The following CHD2 variants were observed in gnomAD, a reference collection of about 807,000 sequenced individuals.
The protein encoded by CHD2 is chromodomain helicase DNA binding protein 2.
Under a neutral mutation model 243.9 loss-of-function variants are expected in CHD2, and 28 were observed. The ratio of observed to expected loss-of-function variants is 0.11; its 90% CI spans 0.09 to 0.16. CHD2 has a LOEUF of 0.16. Among genes scored for constraint, CHD2 ranks in the 10% least tolerant of loss-of-function variants. The pLI is 1.00. For synonymous variants in CHD2, 775 were observed against 779.0 expected, an observed-to-expected ratio of 0.99 and a Z score of 0.09; for missense variants, 1,386 against 2,209.8, an observed-to-expected ratio of 0.63 and a Z score of 7.47.
intron 16 of CHD2, among the ~76,000 whole-genome samples, chr15:92,957,331 T>C (rs980449310): frequency 6.6e-6 from 1 of 152,250 alleles, no homozygotes; most frequent in Non-Finnish European, 1.5e-5. Flanking sequence ...TAGAATTATA[T>C]TTCTTCTTGT....
chr15:93,009,820 T>A (rs557437673), intron 35 of CHD2, among the ~76,000 whole-genome samples: 57 of 152,376 alleles, frequency 3.7e-4, no homozygotes, highest in African/African-American at 1.3e-3. Flanking sequence ...TAAGTTAATC[T>A]AGAACTTCAG....
At chr15:92,904,728 T>C in intron 2 of CHD2, 1 of 1,397,020 alleles carries the variant, frequency 7.2e-7, no homozygotes, top group Non-Finnish European at 9.3e-7. Flanking sequence ...AAATAGAAAA[T>C]TTGCCCAGTT....
At chr15:93,007,940 G>C (rs533643304) in intron 34 of CHD2, among the ~76,000 whole-genome samples, 1 of 152,160 alleles carries the variant, frequency 6.6e-6, no homozygotes, top group South Asian at 2.1e-4. Context: ...ACTTTGCTTC[G>C]GTGGCTTTGC....
intron 20 of CHD2, among the ~76,000 whole-genome samples, chr15:92,977,055 G>A (rs1164563147): frequency 6.6e-6 from 1 of 151,860 alleles, no homozygotes; most frequent in Non-Finnish European, 1.5e-5. Context: ...TATAATCCAC[G>A]TTATCCTTGC....
chr15:92,922,406 C>T (rs139132419), intron 2 of CHD2, among the ~76,000 whole-genome samples: 1 of 152,220 alleles, frequency 6.6e-6, no homozygotes, highest in African/African-American at 2.4e-5. Flanking sequence ...CTCATCTTTC[C>T]CCACTTCCCA....
intron 28 of CHD2, among the ~76,000 whole-genome samples, chr15:92,993,625 G>T (rs2054150125): frequency 6.6e-6 from 1 of 152,072 alleles, no homozygotes; most frequent in Non-Finnish European, 1.5e-5. Context: ...TATTGGTAAG[G>T]ACACCCTCAT....
rs142471937 is a variant in CHD2, at chr15:92,940,082, G to A, written c.692+364G>A. Among the ~76,000 whole-genome samples, 12 of 152,260 alleles carry A rather than the reference G, an allele frequency of 7.9e-5. No individual in the cohort carries two copies. The East Asian group carries it at 1.9e-3, about 24-fold the overall frequency. On this transcript the variant is annotated intron_variant, in intron 7 of 38. Transcript: ENST00000394196. The stretch of plus-strand genomic sequence containing the variant: ...CTTTGAATCACAGACGTTTTTCTGA[G>A]GTTCAGCTTAACGTATTGCTACTTG...
chr15:92,918,269 A>G (rs1248038450), intron 2 of CHD2, among the ~76,000 whole-genome samples: 1 of 152,228 alleles, frequency 6.6e-6, no homozygotes, highest in Non-Finnish European at 1.5e-5. Flanking sequence ...CTTTTTATCC[A>G]CAAGCAAAAG....
intron 20 of CHD2, 21 bp downstream of exon 20, chr15:92,974,971 T>A (rs2053888617): frequency 6.2e-7 from 1 of 1,603,802 alleles, no homozygotes; most frequent in African/African-American, 1.3e-5. Flanking sequence ...CATGGCTTTG[T>A]TATTTGAGCA....
At chr15:92,935,238 A>G (rs1002296898) in intron 5 of CHD2, among the ~76,000 whole-genome samples, 35 of 152,182 alleles carry the variant, frequency 2.3e-4, no homozygotes, top group Admixed American at 5.2e-4. Flanking sequence ...GGGTTTCACC[A>G]CGTTAGCCAG....
intron 5 of CHD2, among the ~76,000 whole-genome samples, chr15:92,936,017 T>C (rs2053261121): frequency 6.6e-6 from 1 of 152,112 alleles, no homozygotes; most frequent in East Asian, 1.9e-4. Flanking sequence ...CAAAAAGTCT[T>C]GGTGTACAAG....
At chr15:93,021,560 T>C (rs1304538783) in intron 38 of CHD2, 1 of 152,254 alleles carries the variant, frequency 6.6e-6, no homozygotes, top group Non-Finnish European at 1.5e-5. Context: ...TAAAAAATTA[T>C]GCTTTCTGTT....
chr15:92,930,486 G>C (rs1381003311), intron 5 of CHD2, among the ~76,000 whole-genome samples: 2 of 152,108 alleles, frequency 1.3e-5, no homozygotes, highest in Non-Finnish European at 2.9e-5. Context: ...AGGCTGGAGT[G>C]CAGTGGCTTG....
At chr15:92,986,944 C>A (rs2054051327) in intron 26 of CHD2, among the ~76,000 whole-genome samples, 3 of 151,904 alleles carry the variant, frequency 2.0e-5, no homozygotes, top group Non-Finnish European at 4.4e-5. Context: ...ATTATGTTGC[C>A]CAGGCTGGTC....
chr15:92,931,863 CT>C (rs34215273), intron 5 of CHD2, among the ~76,000 whole-genome samples: 395 of 134,460 alleles, frequency 2.9e-3, no homozygotes, highest in African/African-American at 6.4e-3. Flanking sequence ...TGCTGACGTA[CT>C]TTTTTTTTTT....
chr15:92,982,292 G>A (rs2053989611), intron 24 of CHD2, among the ~76,000 whole-genome samples: 1 of 152,200 alleles, frequency 6.6e-6, no homozygotes, highest in Non-Finnish European at 1.5e-5. Context: ...TGCTCTTAAT[G>A]ACTAGTAAAG....
chr15:92,908,713 A>C (rs1376060275), intron 2 of CHD2, among the ~76,000 whole-genome samples: 1 of 151,970 alleles, frequency 6.6e-6, no homozygotes, highest in East Asian at 1.9e-4. Flanking sequence ...TTGAGTTAGG[A>C]CCTCTGGAAG....
Position 92,944,533 on chromosome 15 carries a change from C to T in CHD2, c.1153+18C>T, listed in dbSNP as rs756575269. 2 of 1,269,592 alleles carry T rather than the reference C, an allele frequency of 1.6e-6. No individual in the cohort carries two copies. The highest frequency in any genetic ancestry group is 3.0e-5 in the South Asian group (2 of 66,968). 78.6% of individuals were successfully genotyped at this position (1,269,592 alleles called of 1,614,324 possible). A position where few individuals can be genotyped will look rare whatever the true frequency, so the allele number is the denominator to read the frequency against. On this transcript the variant is annotated intron_variant, in intron 10 of 38. Coordinates refer to ENST00000394196, the MANE Select transcript of CHD2 (RefSeq NM_001271.4). ...AGTAATAGGTAAGTACATGGTAACT[C>T]ACTTCAGCCATATTTGAACTTGAGG...
intron 19 of CHD2, among the ~76,000 whole-genome samples, chr15:92,973,307 G>T (rs1195932217): frequency 6.6e-6 from 1 of 152,060 alleles, no homozygotes; most frequent in African/African-American, 2.4e-5. Flanking sequence ...CATTTTTCTA[G>T]GTGTATATAA....
Sources: gnomAD v4.1 joint callset for allele counts (sites outside exome capture counted in the v4.1 genomes callset) on GRCh38, gnomAD v4.1.1 for gene constraint, MANE v1.5 for transcripts, NCBI Gene and HGNC (gene_info 2026-07-23, HGNC 2026-07-21) for gene names.